The following EPB41L1 variants were observed in gnomAD, a reference collection of about 807,000 sequenced individuals.
EPB41L1 encodes the protein erythrocyte membrane protein band 4.1 like 1, also known as band 4.1-like protein 1.
In EPB41L1, 29 loss-of-function variants were observed where a neutral mutation model predicts 97.8. That is an observed-to-expected ratio of 0.30 (90% CI 0.22 to 0.40). The LOEUF (loss-of-function observed/expected upper bound fraction) is 0.40, where lower values mean the gene tolerates loss of function less well. Ranked by LOEUF, EPB41L1 falls within the 10% of genes least tolerant of loss-of-function variation. The pLI is 1.00. For synonymous variants in EPB41L1, 383 were observed against 459.2 expected, an observed-to-expected ratio of 0.83 and a Z score of 2.12; for missense variants, 812 against 1,162.3, an observed-to-expected ratio of 0.70 and a Z score of 4.38.
In EPB41L1 at chr20:36,207,692, C is replaced by T; in HGVS notation, c.1669-1796C>T. 1 of 1,290,132 alleles carries T rather than the reference C, an allele frequency of 7.8e-7. No individual in the cohort carries two copies. Among genetic ancestry groups the T allele is most frequent in the Non-Finnish European group, 1.0e-6 (1 of 988,940 alleles). 79.9% of individuals were successfully genotyped at this position (1,290,132 alleles called of 1,614,324 possible). ...AGACACTTCAGGGAGGACACTTCTG[C>T]ATCCTACCAGGAAGCACACACGGAA... On this transcript the variant is annotated intron_variant, in intron 14 of 21. Transcript: ENST00000338074. The surrounding 1 kb of genome is among the most constrained non-coding windows in gnomAD (Gnocchi z 4.9).
At chr20:36,148,278 A>C (rs1411305240) in intron 2 of EPB41L1, among the ~76,000 whole-genome samples, 1 of 152,178 alleles carries the variant, frequency 6.6e-6, no homozygotes, top group Non-Finnish European at 1.5e-5. Flanking sequence ...CATGACCCTG[A>C]ACTTGAGGGT....
intron 2 of EPB41L1, among the ~76,000 whole-genome samples, chr20:36,128,971 G>A (rs1309280043): frequency 6.6e-6 from 1 of 152,084 alleles, no homozygotes; most frequent in Non-Finnish European, 1.5e-5. Context: ...GTGGAGAGAG[G>A]GAGGAAGGGG....
intron 20 of EPB41L1, 103 bp downstream of exon 20, chr20:36,222,047 T>G: frequency 7.8e-7 from 1 of 1,274,368 alleles, no homozygotes; most frequent in Non-Finnish European, 1.1e-6. Context: ...AGAGAAGGTG[T>G]CCACTTCTTG....
intron 17 of EPB41L1, 135 bp from the exon 18 acceptor site, chr20:36,218,741 C>A (rs555800475): frequency 5.0e-6 from 4 of 803,924 alleles, no homozygotes; most frequent in Non-Finnish European, 6.4e-6. Context: ...CGGAACTGAA[C>A]GATGCCTTCA....
At chr20:36,211,280 G>GGGA (rs1286467806) in intron 15 of EPB41L1, among the ~76,000 whole-genome samples, 3 of 151,862 alleles carry the variant, frequency 2.0e-5, no homozygotes, top group Non-Finnish European at 2.9e-5. Context: ...CCAACTACTC[G>GGGA]GGAGGCAGGA....
In EPB41L1 at chr20:36,196,368, C is replaced by T. The variant is rs184498204; in HGVS notation, c.1485+1004C>T. Among the ~76,000 whole-genome samples the T allele has an allele frequency of 8.5e-4, 129 of 152,338 alleles. 1 individual carries two copies. Among genetic ancestry groups the T allele is most frequent in the Non-Finnish European group, 1.4e-3 (92 of 68,034 alleles). ...AGCCTTCAGGGACATAACACACCCACGGAGGCAGTGGGGCAGGTTTGTGAT... is the reference window on the plus strand; with the variant it reads ...AGCCTTCAGGGACATAACACACCCATGGAGGCAGTGGGGCAGGTTTGTGAT... On this transcript the variant is annotated intron_variant, in intron 13 of 21. Coordinates refer to ENST00000338074, the MANE Select transcript of EPB41L1 (RefSeq NM_012156.2).
At chr20:36,156,377 A>G (rs1409191148) in intron 1 of EPB41L1, among the ~76,000 whole-genome samples, 3 of 152,224 alleles carry the variant, frequency 2.0e-5, no homozygotes, top group Non-Finnish European at 1.5e-5. Context: ...AGCTTCTTGA[A>G]GAGCTTCTTC....
intron 2 of EPB41L1, among the ~76,000 whole-genome samples, chr20:36,125,221 G>T (rs1474835771): frequency 6.6e-6 from 1 of 152,118 alleles, no homozygotes; most frequent in East Asian, 1.9e-4. Flanking sequence ...ATTCCTACAG[G>T]CCCAGAAGGA....
intron 1 of EPB41L1, among the ~76,000 whole-genome samples, chr20:36,170,487 T>G (rs2060941529): frequency 6.6e-6 from 1 of 152,218 alleles, no homozygotes; most frequent in African/African-American, 2.4e-5. Context: ...TTCCATGATT[T>G]TTTACGTTTT....
At chr20:36,172,004 G>C (rs2061010851) in intron 1 of EPB41L1, among the ~76,000 whole-genome samples, 1 of 152,184 alleles carries the variant, frequency 6.6e-6, no homozygotes, top group Admixed American at 6.5e-5. Flanking sequence ...GGGTGCATCT[G>C]ATGCCCCTCC....
intron 7 of EPB41L1, among the ~76,000 whole-genome samples, chr20:36,187,393 C>T (rs2061727513): frequency 6.6e-6 from 1 of 152,194 alleles, no homozygotes; most frequent in Non-Finnish European, 1.5e-5. Context: ...ACAGTCAACT[C>T]AGTGGCAGAA....
chr20:36,218,820 A>T (rs1473297345), intron 17 of EPB41L1, 56 bp from the exon 18 acceptor site: 15 of 1,565,804 alleles, frequency 9.6e-6, no homozygotes, highest in Non-Finnish European at 1.2e-5. Flanking sequence ...TGCTCCGCCC[A>T]TCCTGGGGGC....
At chr20:36,213,825 G>A (rs772524611) in intron 16 of EPB41L1, among the ~76,000 whole-genome samples, 7 of 152,098 alleles carry the variant, frequency 4.6e-5, no homozygotes, top group Non-Finnish European at 1.0e-4. Flanking sequence ...ACTTAACAAT[G>A]TTTACACAGA....
chr20:36,104,861 G>GCTCTGGATGGGCTGTGCGCA (rs1261032579), intron 1 of EPB41L1, among the ~76,000 whole-genome samples: 2 of 152,154 alleles, frequency 1.3e-5, no homozygotes, highest in Non-Finnish European at 1.5e-5. Flanking sequence ...GGCCTCGCGC[G>GCTCTGGATGGGCTGTGCGCA]CTCTGGATGG....
At chr20:36,211,085 CAAAACAAGAAAAA>C (rs577250047) in intron 15 of EPB41L1, among the ~76,000 whole-genome samples, 51 of 151,728 alleles carry the variant, frequency 3.4e-4, no homozygotes, top group Non-Finnish European at 6.3e-4. Context: ...AAAAACAAAA[CAAAACAAGAAAAA>C]AAAAATCTCC....
intron 14 of EPB41L1, among the ~76,000 whole-genome samples, chr20:36,198,525 A>G (rs2062330758): frequency 6.6e-6 from 1 of 152,178 alleles, no homozygotes. Flanking sequence ...CCCTCCTAGA[A>G]GGGGCTTCGG....
chr20:36,104,994 C>T (rs751056898), intron 1 of EPB41L1, among the ~76,000 whole-genome samples: 5 of 152,088 alleles, frequency 3.3e-5, no homozygotes, highest in Admixed American at 1.3e-4. Flanking sequence ...AGGGTGTGTG[C>T]GTGATCCCAG....
rs763397956 is a variant in EPB41L1 at position 36,209,860 on chromosome 20, C to G, written c.2041C>G (p.Arg681Gly). The G allele has an allele frequency of 1.4e-5, 22 of 1,613,396 alleles. No homozygotes were observed. The Admixed American group carries it at 3.5e-4, about 26-fold the overall frequency. ...TGGGGGCATTGAGGACAGCCCGGAT[C>G]GAGGGGCCTGCTCCACCCCGGATAT... The part of the protein sequence containing the change: ...ESGGIEDSPD[R>G]GACSTPDMPQ... Residue 681 changes from arginine to glycine, a missense_variant, in exon 15 of 22, where the codon CGA (arginine) becomes GGA (glycine). Arg to Gly is a moderately radical substitution (Grantham distance 125). This residue lies in a region of EPB41L1 where 498 missense variants were observed against 622.7 expected (regional missense o/e 0.80). Coordinates refer to ENST00000338074, the MANE Select transcript of EPB41L1 (RefSeq NM_012156.2). The surrounding 1 kb of genome is among the most constrained non-coding windows in gnomAD (Gnocchi z 4.2).
chr20:36,096,364 C>T (rs1189704313), intron 1 of EPB41L1, among the ~76,000 whole-genome samples: 2 of 152,184 alleles, frequency 1.3e-5, no homozygotes, highest in Non-Finnish European at 2.9e-5. Context: ...TGCTGTGGAC[C>T]AGGTTCTGAG....
Sources: allele counts gnomAD v4.1 joint callset (sites outside exome capture counted in the v4.1 genomes callset), GRCh38; gene constraint gnomAD v4.1.1; regional missense constraint gnomAD v4.1.1; non-coding constraint Gnocchi (gnomAD v3.1); transcripts MANE v1.5; gene names NCBI Gene and HGNC (gene_info 2026-07-23, HGNC 2026-07-21).